IRF2: variants seen among roughly 807,000 people sequenced by gnomAD.
IRF2 encodes the protein interferon regulatory factor 2.
A neutral mutation model predicts 40.6 loss-of-function variants in IRF2; 15 were observed. The observed-to-expected ratio is 0.37, with a 90% CI of 0.25 to 0.57. The LOEUF (loss-of-function observed/expected upper bound fraction) is 0.57, where lower values mean the gene tolerates loss of function less well. Among genes scored for constraint, IRF2 ranks in the 20% least tolerant of loss-of-function variants. The pLI is 0.77. For synonymous variants in IRF2, 151 were observed against 165.5 expected (o/e 0.91, Z 0.67); for missense variants, 317 against 455.7 (o/e 0.70, Z 2.77).
chr4:184,442,117 CAG>C (rs1244949186), intron 1 of IRF2, among the ~76,000 whole-genome samples: 32 of 152,300 alleles, frequency 2.1e-4, no homozygotes, highest in African/African-American at 7.7e-4. Context: ...CCCGGGTGCA[CAG>C]GAAGCAGTTT....
chr4:184,452,339 T>C (rs1483884538), intron 1 of IRF2, among the ~76,000 whole-genome samples: 1 of 152,230 alleles, frequency 6.6e-6, no homozygotes, highest in East Asian at 1.9e-4. Context: ...ATTCTGCACC[T>C]GTCCTACCTG....
chr4:184,402,386 CTCACTCACTG>C (rs1348116533), intron 6 of IRF2, among the ~76,000 whole-genome samples: 2 of 152,180 alleles, frequency 1.3e-5, no homozygotes, highest in Non-Finnish European at 2.9e-5. Flanking sequence ...CTGGGTGCCT[CTCACTCACTG>C]TCCCCGTCAC....
At chr4:184,435,896 T>C (rs1297277232) in intron 1 of IRF2, among the ~76,000 whole-genome samples, 6 of 152,166 alleles carry the variant, frequency 3.9e-5, no homozygotes, top group Non-Finnish European at 5.9e-5. Flanking sequence ...CAAAAGTAAA[T>C]AGAAATCAGA....
intron 2 of IRF2, among the ~76,000 whole-genome samples, chr4:184,423,982 T>C (rs1426728286): frequency 1.3e-5 from 2 of 152,198 alleles, no homozygotes; most frequent in Non-Finnish European, 2.9e-5. Flanking sequence ...AATGGTATAT[T>C]GTGGATATAT....
chr4:184,427,560 C>A (rs537961018), intron 2 of IRF2, among the ~76,000 whole-genome samples: 1 of 152,004 alleles, frequency 6.6e-6, no homozygotes, highest in Non-Finnish European at 1.5e-5. Context: ...GTGGGAGGAT[C>A]GCTTCAGCAC....
chr4:184,398,555 C>T (rs1021662865), intron 7 of IRF2, among the ~76,000 whole-genome samples: 1 of 151,748 alleles, frequency 6.6e-6, no homozygotes, highest in African/African-American at 2.4e-5. Context: ...ACTCAGGAGG[C>T]TGAGGCAGAA....
At chr4:184,422,063 C>T (rs1737502940) in intron 2 of IRF2, among the ~76,000 whole-genome samples, 1 of 151,422 alleles carries the variant, frequency 6.6e-6, no homozygotes. Context: ...GTCGCCTGCA[C>T]CATTCTCTCT....
At chr4:184,453,668 A>T (rs1738810461) in intron 1 of IRF2, among the ~76,000 whole-genome samples, 1 of 152,228 alleles carries the variant, frequency 6.6e-6, no homozygotes, top group Non-Finnish European at 1.5e-5. Flanking sequence ...AGTATAGAGA[A>T]CAAGTTCAAT....
In IRF2 at chr4:184,388,400, G is replaced by A. The variant is rs1257782350; in HGVS notation, c.*358C>T. On this transcript the variant is annotated 3_prime_UTR_variant, in exon 9 of 9. Coordinates refer to ENST00000393593, the MANE Select transcript of IRF2 (RefSeq NM_002199.4). This position sits in a 1 kb window ranked among gnomAD's most constrained non-coding sequence, Gnocchi z 4.6. ...GTGCTGCCTATGTACATATTCACAA[G>A]AATAAAAAATTCCAGCTAGTTCACA... The A allele has an allele frequency of 4.1e-6, 1 of 246,824 alleles. No individual in the cohort carries two copies. Among genetic ancestry groups the A allele is most frequent in the Non-Finnish European group, 7.7e-6 (1 of 129,076 alleles). 15.3% of individuals were successfully genotyped at this position (246,824 alleles called of 1,614,324 possible).
At chr4:184,426,880 A>C (rs1737693246) in intron 2 of IRF2, among the ~76,000 whole-genome samples, 1 of 152,192 alleles carries the variant, frequency 6.6e-6, no homozygotes, top group Admixed American at 6.5e-5. Context: ...TGTTCCTCAA[A>C]ACAGAATCTT....
In IRF2 at chr4:184,419,570, T is replaced by TAAAAA; in HGVS notation, c.88-3_88-2insTTTTT. The TAAAAA allele has an allele frequency of 2.4e-6, 2 of 820,026 alleles. No homozygotes were observed. Among genetic ancestry groups the TAAAAA allele is most frequent in the Admixed American group, 3.9e-5 (1 of 25,460 alleles). 50.8% of individuals were successfully genotyped at this position (820,026 alleles called of 1,614,324 possible). On this transcript the variant is annotated splice_polypyrimidine_tract_variant and splice_region_variant and intron_variant, in intron 2 of 8. Coordinates refer to ENST00000393593, the MANE Select transcript of IRF2 (RefSeq NM_002199.4). ...GGGGATCTGAAAAATCTTCTTTTCC[T>TAAAAA]GAAAAAAAAAAAAAAAAAAAAGGTA...
At chr4:184,432,826 G>C (rs1362994149) in intron 1 of IRF2, among the ~76,000 whole-genome samples, 1 of 152,214 alleles carries the variant, frequency 6.6e-6, no homozygotes, top group Non-Finnish European at 1.5e-5. Flanking sequence ...CCAGAAGCTG[G>C]AAGAGGCAAG....
At chr4:184,410,957 T>C (rs1737050406) in intron 5 of IRF2, among the ~76,000 whole-genome samples, 3 of 152,142 alleles carry the variant, frequency 2.0e-5, no homozygotes, top group Admixed American at 1.3e-4. Context: ...GAAATATGGT[T>C]CAATTCCAGG....
In IRF2 at chr4:184,424,045, A is replaced by C. The variant is rs1394629211; in HGVS notation, c.88-4477T>G. On this transcript the variant is annotated intron_variant, in intron 2 of 8. Transcript: ENST00000393593. ...TATGCTGTCAGGGAGCTGCTTTAAT[A>C]TACCAGATACACACAGATACACACA... 1.2e-4 allele frequency among the ~76,000 whole-genome samples: 17 copies of C among 139,070 alleles called. No individual in the cohort carries two copies. In the Admixed American group the frequency reaches 1.3e-3, roughly 11 times the overall value. The allele number at this position is 139,070 out of a possible 152,430, so 91.2% of individuals were successfully genotyped here.
intron 1 of IRF2, among the ~76,000 whole-genome samples, chr4:184,467,693 T>G (rs1345074962): frequency 6.6e-6 from 1 of 152,218 alleles, no homozygotes; most frequent in Non-Finnish European, 1.5e-5. Flanking sequence ...AAATCTGACA[T>G]TCATAAGAAC....
chr4:184,468,620 T>A (rs1445487384), intron 1 of IRF2, among the ~76,000 whole-genome samples: 1 of 152,112 alleles, frequency 6.6e-6, no homozygotes, highest in Non-Finnish European at 1.5e-5. Context: ...CTTTTTAAAA[T>A]GTGGAAAGAG....
chr4:184,443,238 G>A (rs1561116866), intron 1 of IRF2, among the ~76,000 whole-genome samples: 1 of 138,288 alleles, frequency 7.2e-6, no homozygotes, highest in Non-Finnish European at 1.5e-5. Flanking sequence ...TTTAAATTCA[G>A]GGGTACCTGT....
chr4:184,453,662 T>G (rs1738810178), intron 1 of IRF2, among the ~76,000 whole-genome samples: 1 of 152,118 alleles, frequency 6.6e-6, no homozygotes, highest in Non-Finnish European at 1.5e-5. Context: ...CGTAACAGTA[T>G]AGAGAACAAG....
intron 1 of IRF2, among the ~76,000 whole-genome samples, chr4:184,438,616 A>G (rs1160341210): frequency 1.3e-5 from 2 of 152,164 alleles, no homozygotes; most frequent in Non-Finnish European, 2.9e-5. Context: ...TGGGAAGTAG[A>G]ATGCAGAAGA....
Sources: allele counts gnomAD v4.1 joint callset (sites outside exome capture counted in the v4.1 genomes callset), GRCh38; gene constraint gnomAD v4.1.1; non-coding constraint Gnocchi (gnomAD v3.1); transcripts MANE v1.5; gene names NCBI Gene and HGNC (gene_info 2026-07-23, HGNC 2026-07-21).